Variants in MCMBP observed in about 807,000 individuals in gnomAD.
MCMBP encodes minichromosome maintenance complex binding protein.
Under a neutral mutation model 81.3 loss-of-function variants are expected in MCMBP, and 31 were observed. That is an observed-to-expected ratio of 0.38 (90% CI 0.29 to 0.51). MCMBP has a LOEUF of 0.51. MCMBP is among the 20% of genes least tolerant of loss of function. The probability of loss-of-function intolerance (pLI) is 0.87; values close to 1 mark genes in which losing one functional copy is unlikely to be tolerated. For synonymous variants in MCMBP, 267 were observed against 275.9 expected (o/e 0.97, Z 0.32); for missense variants, 645 against 772.1 (o/e 0.84, Z 1.95).
In MCMBP at chr10:119,830,469, A is replaced by G. The variant is rs1249310870; in HGVS notation, c.*1005T>C. 1 of 152,158 alleles carries G rather than the reference A, an allele frequency of 6.6e-6. No individual in the cohort carries two copies. The highest frequency in any genetic ancestry group is 1.5e-5 in the Non-Finnish European group (1 of 68,018). 9.4% of individuals were successfully genotyped at this position (152,158 alleles called of 1,614,324 possible). On this transcript the variant is annotated 3_prime_UTR_variant, in exon 16 of 16. Transcript: ENST00000369077. Reference sequence around the variant, plus strand: ...CTTGGAACCAACTGATGATCCCATAAAAAATGCCAAAAATCCAATAGAATC... The same window carrying G: ...CTTGGAACCAACTGATGATCCCATAGAAAATGCCAAAAATCCAATAGAATC...
chr10:119,853,625 CAG>C (rs748896919), intron 5 of MCMBP, among the ~76,000 whole-genome samples: 19 of 152,150 alleles, frequency 1.2e-4, no homozygotes, highest in Non-Finnish European at 2.5e-4. Context: ...CTGGAATTTG[CAG>C]AGAAGTACTA....
chr10:119,838,644 G>T lies in MCMBP; in HGVS notation c.1299C>A (p.His433Gln). The T allele has an allele frequency of 6.2e-7, 1 of 1,614,158 alleles. No homozygotes were observed. Reference sequence around the variant, plus strand: ...CCAAGCGATTGGCTGTGTAGTCTTTGTGGGGAATGAATTTCAAATGGTTCA... The same window carrying T: ...CCAAGCGATTGGCTGTGTAGTCTTTTTGGGGAATGAATTTCAAATGGTTCA... ...ENMNHLKFIP[H>Q]KDYTANRLVS... The change falls in exon 12 of 16, where the codon CAC becomes CAA. Residue 433 changes from histidine (H) to glutamine (Q), a missense_variant. Physicochemically the swap from His to Gln is conservative, Grantham distance 24. Coordinates refer to ENST00000369077, the MANE Select transcript of MCMBP (RefSeq NM_001256378.2).
In MCMBP at chr10:119,872,543, G is replaced by T. The variant is rs527715660; in HGVS notation, c.42C>A (p.Ile14=). ...GEDWLSHPLG[I]VQGFFAQNGV... ...GCCACTCACCGAAGAATCCCTGCACGATTCCCAGCGGGTGGCTGAGCCAAT... is the reference window on the plus strand; with the variant it reads ...GCCACTCACCGAAGAATCCCTGCACTATTCCCAGCGGGTGGCTGAGCCAAT... Residue 14 remains isoleucine, a synonymous_variant, in exon 1 of 16, where the codon ATC becomes ATA. Transcript: ENST00000369077. The T allele has an allele frequency of 3.8e-5, 45 of 1,188,652 alleles. No homozygotes were observed. In the South Asian group the frequency reaches 1.5e-3, roughly 40 times the overall value. The allele number at this position is 1,188,652 out of a possible 1,614,324, so 73.6% of individuals were successfully genotyped here. A position where few individuals can be genotyped will look rare whatever the true frequency, so the allele number is the denominator to read the frequency against.
At chr10:119,871,988 A>C (rs544523971) in intron 1 of MCMBP, among the ~76,000 whole-genome samples, 181 of 152,354 alleles carry the variant, frequency 1.2e-3, no homozygotes, top group Non-Finnish European at 2.1e-3. Context: ...CCAACAGGAA[A>C]ACTAAGCTAT....
At chr10:119,868,493 T>C (rs1853551643) in intron 1 of MCMBP, among the ~76,000 whole-genome samples, 1 of 152,222 alleles carries the variant, frequency 6.6e-6, no homozygotes, top group Non-Finnish European at 1.5e-5. Context: ...ACAACATTTC[T>C]GATTAATCAG....
chr10:119,873,576 G>A (rs1853792317), upstream of MCMBP: 1 of 152,302 alleles, frequency 6.6e-6, no homozygotes, highest in South Asian at 2.1e-4. Flanking sequence ...CCCTGGAGAA[G>A]GAAGCTACGA....
chr10:119,866,675 T>C (rs1853468207), intron 1 of MCMBP, among the ~76,000 whole-genome samples: 1 of 152,100 alleles, frequency 6.6e-6, no homozygotes, highest in African/African-American at 2.4e-5. Flanking sequence ...AACATCATTA[T>C]GAATACAGTA....
At chr10:119,847,739 A>G (rs1564877595) in intron 7 of MCMBP, 26 bp from the exon 8 acceptor site, 1 of 1,344,822 alleles carries the variant, frequency 7.4e-7, no homozygotes. Flanking sequence ...ATGAAATCAC[A>G]CTGTTAGAAC....
chr10:119,872,717 G>A lies in MCMBP; in HGVS notation c.-133C>T. On this transcript the variant is annotated 5_prime_UTR_variant, in exon 1 of 16. Coordinates refer to ENST00000369077, the MANE Select transcript of MCMBP (RefSeq NM_001256378.2). ...CCCGCGTTCGCTCGCGCCCTCCCAC[G>A]CACAGCGAGCCGCGGGGCGCGGGCC... 1 of 294,798 alleles carries A rather than the reference G, an allele frequency of 3.4e-6. No individual in the cohort carries two copies. Among genetic ancestry groups the A allele is most frequent in the African/African-American group, 2.3e-5 (1 of 44,186 alleles). 18.3% of individuals were successfully genotyped at this position (294,798 alleles called of 1,614,324 possible). A position where few individuals can be genotyped will look rare whatever the true frequency, so the allele number is the denominator to read the frequency against.
chr10:119,866,016 A>C (rs1347492730), intron 1 of MCMBP, among the ~76,000 whole-genome samples: 2 of 151,988 alleles, frequency 1.3e-5, no homozygotes, highest in Non-Finnish European at 2.9e-5. Context: ...TGAGACTGGA[A>C]GTTCAAGGCT....
chr10:119,840,460 T>C (rs1852394740), intron 11 of MCMBP, among the ~76,000 whole-genome samples: 2 of 152,214 alleles, frequency 1.3e-5, no homozygotes, highest in South Asian at 4.1e-4. Context: ...GGAATTAAAA[T>C]TGAGGCAATG....
chr10:119,864,560 GC>G (rs1853382743), intron 1 of MCMBP, among the ~76,000 whole-genome samples: 1 of 138,012 alleles, frequency 7.2e-6, no homozygotes, highest in African/African-American at 2.5e-5. Context: ...TGCCAGTATG[GC>G]TAGAGGTTTA....
chr10:119,841,423 T>A (rs1469712787), intron 10 of MCMBP, among the ~76,000 whole-genome samples: 1 of 152,214 alleles, frequency 6.6e-6, no homozygotes, highest in African/African-American at 2.4e-5. Context: ...CCTGCAACTT[T>A]ATAATAGAGA....
intron 13 of MCMBP, 25 bp downstream of exon 13, chr10:119,836,871 T>C (rs773117441): frequency 4.1e-6 from 6 of 1,462,278 alleles, no homozygotes; most frequent in Non-Finnish European, 4.6e-6. Context: ...TCAACCTCCC[T>C]CCATTTAAAA....
At chr10:119,846,031 T>G (rs1483554248) in intron 8 of MCMBP, among the ~76,000 whole-genome samples, 3 of 152,190 alleles carry the variant, frequency 2.0e-5, no homozygotes, top group Non-Finnish European at 4.4e-5. Flanking sequence ...TATATATGTA[T>G]CCATATGCTG....
chr10:119,835,139 T>C (rs1184242309), intron 14 of MCMBP, among the ~76,000 whole-genome samples: 1 of 152,202 alleles, frequency 6.6e-6, no homozygotes, highest in Non-Finnish European at 1.5e-5. Context: ...GGTAATTGTA[T>C]GACAGGAGCA....
Position 119,831,318 on chromosome 10 carries a change from A to C in MCMBP, c.*156T>G. 1 of 709,758 alleles carries C rather than the reference A, an allele frequency of 1.4e-6. No individual in the cohort carries two copies. The highest frequency in any genetic ancestry group is 2.2e-6 in the Non-Finnish European group (1 of 455,910). The allele number at this position is 709,758 out of a possible 1,614,324, so 44.0% of individuals were successfully genotyped here. A position where few individuals can be genotyped will look rare whatever the true frequency, so the allele number is the denominator to read the frequency against. On this transcript the variant is annotated 3_prime_UTR_variant, in exon 16 of 16. Transcript: ENST00000369077. ...AGTAAGGTAAAAGTCCTTACTGAAT[A>C]TCATATAAACATCAGGTGTTACCAG...
chr10:119,866,288 GGA>G (rs773792279), intron 1 of MCMBP, among the ~76,000 whole-genome samples: 14 of 152,150 alleles, frequency 9.2e-5, no homozygotes, highest in Non-Finnish European at 1.6e-4. Context: ...AGAAGAAATG[GGA>G]GAGACTACTA....
intron 1 of MCMBP, among the ~76,000 whole-genome samples, chr10:119,871,286 A>C (rs1243388315): frequency 6.6e-6 from 1 of 151,990 alleles, no homozygotes; most frequent in African/African-American, 2.4e-5. Flanking sequence ...AATTACTAGG[A>C]TTTAGTGGAG....
Sources: gnomAD v4.1 joint callset for allele counts (sites outside exome capture counted in the v4.1 genomes callset) on GRCh38, gnomAD v4.1.1 for gene constraint, MANE v1.5 for transcripts, NCBI Gene and HGNC (gene_info 2026-07-23, HGNC 2026-07-21) for gene names.